The following FGF12 variants were observed in gnomAD, a reference collection of about 807,000 sequenced individuals.
The protein encoded by FGF12 is fibroblast growth factor 12, also known as fibroblast growth factor 12B.
In FGF12, 14 loss-of-function variants were observed where a neutral mutation model predicts 23.6. That is an observed-to-expected ratio of 0.59 (90% confidence interval 0.39 to 0.93). The LOEUF (loss-of-function observed/expected upper bound fraction) is 0.93, where lower values mean the gene tolerates loss of function less well. FGF12 is among the 40% of genes least tolerant of loss of function. The pLI is 0.00. For synonymous variants in FGF12, 62 were observed against 77.3 expected (o/e 0.80, Z 1.04); for missense variants, 175 against 217.8 (o/e 0.80, Z 1.24).
intron 3 of FGF12, among the ~76,000 whole-genome samples, chr3:192,343,690 TTAA>T (rs1188959496): frequency 6.6e-6 from 1 of 152,078 alleles, no homozygotes; most frequent in Non-Finnish European, 1.5e-5. Flanking sequence ...CCCAGGCAAA[TTAA>T]TTATTCATTC....
rs114646122 is a variant in FGF12 at position 192,337,174 on chromosome 3, C to T, written c.125-1710G>A. On this transcript the variant is annotated intron_variant, in intron 3 of 5. Coordinates refer to ENST00000445105, the MANE Select transcript of FGF12 (RefSeq NM_004113.6). ...ATAATATGATACAGTGTATAATTTA[C>T]TTCTATAATTAAATGTAATATATGC... is the stretch of plus-strand genomic sequence containing the variant. Among the ~76,000 whole-genome samples, 543 of 152,208 alleles carry T rather than the reference C, an allele frequency of 3.6e-3. 7 individuals are homozygous for T. Among genetic ancestry groups the T allele is most frequent in the African/African-American group, 0.012 (508 of 41,530 alleles).
intron 2 of FGF12, among the ~76,000 whole-genome samples, chr3:192,538,910 C>T (rs111731540): frequency 0.016 from 2,386 of 152,142 alleles, 26 homozygotes; most frequent in South Asian, 0.03. Flanking sequence ...TTATTGCAAA[C>T]GGGATTGCTT....
intron 2 of FGF12, among the ~76,000 whole-genome samples, chr3:192,493,623 G>A (rs1243440371): frequency 1.3e-5 from 2 of 152,108 alleles, no homozygotes; most frequent in South Asian, 2.1e-4. Context: ...GCATTTGCTC[G>A]GTTTCTGGGG....
At chr3:192,161,921 A>G (rs193277223) in intron 5 of FGF12, among the ~76,000 whole-genome samples, 2 of 152,238 alleles carry the variant, frequency 1.3e-5, no homozygotes, top group East Asian at 3.9e-4. Context: ...GTGTGTGGGA[A>G]CACTGGAGTT....
intron 2 of FGF12, among the ~76,000 whole-genome samples, chr3:192,623,538 T>C (rs760873059): frequency 6.6e-6 from 1 of 152,208 alleles, no homozygotes; most frequent in Non-Finnish European, 1.5e-5. Flanking sequence ...GGTGTTTACT[T>C]TGTTTGTATT....
At chr3:192,311,670 G>C (rs1715945753) in intron 4 of FGF12, among the ~76,000 whole-genome samples, 1 of 152,130 alleles carries the variant, frequency 6.6e-6, no homozygotes. Context: ...TCTAGCCGTG[G>C]AACTGTTGGG....
chr3:192,467,070 T>C (rs576496212), intron 2 of FGF12, among the ~76,000 whole-genome samples: 1 of 152,362 alleles, frequency 6.6e-6, no homozygotes, highest in Non-Finnish European at 1.5e-5. Flanking sequence ...TTCTTAATTG[T>C]TTGTAACATC....
Position 192,383,539 on chromosome 3 carries a change from T to TAA in FGF12, c.14-23003_14-23002dup, listed in dbSNP as rs34292300. ...TGATTTAAAAAAAAAAAAATCTGAT[T>TAA]AAAAAAAAAAAACCTATTGCTATAA... On this transcript the variant is annotated intron_variant, in intron 2 of 5. Coordinates refer to ENST00000445105, the MANE Select transcript of FGF12 (RefSeq NM_004113.6). Among the ~76,000 whole-genome samples, 167 of 143,914 alleles carry TAA rather than the reference T, an allele frequency of 1.2e-3. 3 individuals are homozygous for TAA. The highest frequency in any genetic ancestry group is 0.01 in the East Asian group (51 of 4,944). The allele number at this position is 143,914 out of a possible 152,430, so 94.4% of individuals were successfully genotyped here.
At chr3:192,165,759 GACTT>G (rs1560174705) in intron 5 of FGF12, among the ~76,000 whole-genome samples, 5 of 152,070 alleles carry the variant, frequency 3.3e-5, no homozygotes, top group Admixed American at 3.3e-4. Flanking sequence ...TGCTATCACT[GACTT>G]TTCTGAGTAT....
chr3:192,396,964 G>T (rs1408270144), intron 2 of FGF12, among the ~76,000 whole-genome samples: 2 of 152,112 alleles, frequency 1.3e-5, no homozygotes, highest in African/African-American at 4.8e-5. Context: ...ACCCTGAAGG[G>T]GCAGGCTCCC....
chr3:192,500,236 C>T (rs965790762), intron 2 of FGF12, among the ~76,000 whole-genome samples: 1 of 152,178 alleles, frequency 6.6e-6, no homozygotes, highest in African/African-American at 2.4e-5. Context: ...AGTTATTTTT[C>T]CTCTTACACA....
chr3:192,405,750 A>G (rs1016975717), intron 2 of FGF12, among the ~76,000 whole-genome samples: 3 of 152,224 alleles, frequency 2.0e-5, no homozygotes, highest in Non-Finnish European at 2.9e-5. Flanking sequence ...CTATCTCTCT[A>G]TAAATAGACT....
chr3:192,296,062 CTTTTTTTTT>C (rs34021285), intron 4 of FGF12, among the ~76,000 whole-genome samples: 6 of 78,092 alleles, frequency 7.7e-5, no homozygotes, highest in Non-Finnish European at 9.4e-5. Flanking sequence ...GTTTTTCTTT[CTTTTTTTTT>C]TTTTTTTTTT....
chr3:192,365,064 A>T (rs1718912864), intron 2 of FGF12, among the ~76,000 whole-genome samples: 1 of 152,124 alleles, frequency 6.6e-6, no homozygotes, highest in African/African-American at 2.4e-5. Context: ...CCGTTAAATA[A>T]TGTTCTACAA....
chr3:192,336,483 A>G lies in FGF12; in HGVS notation c.125-1019T>C, dbSNP rs900539040. ...AGCATAAACAGAAAACACTGCCCCC[A>G]CCCTGAAACAATTCACATTGCATAT... On this transcript the variant is annotated intron_variant, in intron 3 of 5. Transcript: ENST00000445105. The surrounding 1 kb of genome is among the most constrained non-coding windows in gnomAD (Gnocchi z 4.3). 1.3e-5 allele frequency among the ~76,000 whole-genome samples: 2 copies of G among 152,086 alleles called. No homozygotes were observed. The highest frequency in any genetic ancestry group is 1.5e-5 in the Non-Finnish European group (1 of 68,006).
chr3:192,573,397 A>T (rs772801482), intron 2 of FGF12, among the ~76,000 whole-genome samples: 1 of 152,206 alleles, frequency 6.6e-6, no homozygotes, highest in Non-Finnish European at 1.5e-5. Flanking sequence ...CAGTAGAGTG[A>T]GTAAAGCAAA....
chr3:192,597,255 A>G (rs549632719), intron 2 of FGF12, among the ~76,000 whole-genome samples: 2 of 152,302 alleles, frequency 1.3e-5, no homozygotes, highest in African/African-American at 2.4e-5. Context: ...GTTATTACTC[A>G]TTCCCACTAC....
At chr3:192,515,712 G>T (rs919471091) in intron 2 of FGF12, among the ~76,000 whole-genome samples, 3 of 152,212 alleles carry the variant, frequency 2.0e-5, no homozygotes, top group Non-Finnish European at 4.4e-5. Flanking sequence ...AGACAAAAGA[G>T]CGCTTCGCTT....
chr3:192,344,033 C>A (rs1169911914), intron 3 of FGF12, among the ~76,000 whole-genome samples: 2 of 152,076 alleles, frequency 1.3e-5, no homozygotes, highest in African/African-American at 4.8e-5. Flanking sequence ...GCAATCAGAC[C>A]TTGGCGATGA....
Sources: allele counts gnomAD v4.1 joint callset (sites outside exome capture counted in the v4.1 genomes callset), GRCh38; gene constraint gnomAD v4.1.1; non-coding constraint Gnocchi (gnomAD v3.1); transcripts MANE v1.5; gene names NCBI Gene and HGNC (gene_info 2026-07-23, HGNC 2026-07-21).